SLC35F4: variants seen among roughly 807,000 people sequenced by gnomAD.
SLC35F4 encodes the protein chromosome 14 open reading frame 36.
SLC35F4 carries 24 observed loss-of-function variants against 44.2 expected under a neutral mutation model. The ratio of observed to expected loss-of-function variants is 0.54; its 90% CI spans 0.39 to 0.76. The LOEUF is 0.76. Ranked by LOEUF, SLC35F4 falls within the 30% of genes least tolerant of loss-of-function variation. SLC35F4 has a pLI of 0.00. For synonymous variants in SLC35F4, 238 were observed against 223.6 expected (o/e 1.06, Z -0.57); for missense variants, 562 against 586.1 (o/e 0.96, Z 0.42).
intron 1 of SLC35F4, among the ~76,000 whole-genome samples, chr14:57,952,319 C>T (rs147828436): frequency 1.3e-5 from 2 of 152,012 alleles, no homozygotes; most frequent in African/African-American, 4.8e-5. Context: ...GATAAATCCA[C>T]GAAGATGGAA....
At position 57,871,668 on chromosome 14, in the gene SLC35F4, G is replaced by A. The variant is rs72624734; in HGVS notation, n.282+110245C>T. ...ATAGTCATGGTTCTCCCCCATTTTAGGCATACCACAGGACTGCACTTCCTG... is the reference window on the plus strand; with the variant it reads ...ATAGTCATGGTTCTCCCCCATTTTAAGCATACCACAGGACTGCACTTCCTG... On this transcript the variant is annotated intron_variant and non_coding_transcript_variant, in intron 1 of 1. Coordinates refer to the SLC35F4 transcript ENST00000556568. Among the ~76,000 whole-genome samples the A allele has an allele frequency of 0.023, 3,454 of 152,260 alleles. 428 individuals carry two copies. The East Asian group carries it at 0.39, about 17-fold the overall frequency.
intron 1 of SLC35F4, among the ~76,000 whole-genome samples, chr14:57,782,409 T>A (rs117688133): frequency 7.9e-4 from 119 of 151,382 alleles, no homozygotes; most frequent in East Asian, 6.2e-3. Context: ...ATGTCATGAA[T>A]GTATAAAATA....
chr14:57,686,773 AT>A, intron 1 of SLC35F4, among the ~76,000 whole-genome samples: 1 of 152,156 alleles, frequency 6.6e-6, no homozygotes, highest in Non-Finnish European at 1.5e-5. Context: ...TCCCAACATA[AT>A]TTTTAAAGGA....
At chr14:57,894,707 A>T (rs1219613153) in intron 1 of SLC35F4, among the ~76,000 whole-genome samples, 1 of 152,166 alleles carries the variant, frequency 6.6e-6, no homozygotes, top group African/African-American at 2.4e-5. Context: ...TCATGGAATA[A>T]TTAACCTTTC....
At chr14:57,902,023 C>T (rs746248396) in intron 1 of SLC35F4, among the ~76,000 whole-genome samples, 8 of 152,098 alleles carry the variant, frequency 5.3e-5, no homozygotes, top group Non-Finnish European at 8.8e-5. Flanking sequence ...AGCAAATTTG[C>T]CTTAAAGAAG....
intron 1 of SLC35F4, among the ~76,000 whole-genome samples, chr14:57,776,683 A>AAG (rs1555386747): frequency 1.3e-5 from 2 of 151,288 alleles, no homozygotes; most frequent in Admixed American, 1.3e-4. Context: ...AAAAAAAAAA[A>AAG]AAAAAATTAA....
intron 1 of SLC35F4, among the ~76,000 whole-genome samples, chr14:57,915,374 T>G (rs1186208961): frequency 6.6e-6 from 1 of 152,212 alleles, no homozygotes; most frequent in Non-Finnish European, 1.5e-5. Flanking sequence ...AAATGGTCAC[T>G]TGGCCACACC....
chr14:57,656,370 TATATATAC>T (rs1223754209), intron 1 of SLC35F4, among the ~76,000 whole-genome samples: 9 of 79,196 alleles, frequency 1.1e-4, no homozygotes, highest in Non-Finnish European at 2.3e-4. Context: ...TATATATATA[TATATATAC>T]ACACACACAC....
chr14:57,677,409 A>G (rs2074729896), intron 1 of SLC35F4, among the ~76,000 whole-genome samples: 1 of 113,954 alleles, frequency 8.8e-6, no homozygotes, highest in African/African-American at 4.3e-5. Flanking sequence ...ACTATTGAAA[A>G]AAAAATAAAA....
chr14:57,673,074 G>T (rs2074573276), intron 1 of SLC35F4, among the ~76,000 whole-genome samples: 1 of 152,034 alleles, frequency 6.6e-6, no homozygotes, highest in African/African-American at 2.4e-5. Flanking sequence ...AATCTTGTAA[G>T]TTGTATAAAG....
intron 1 of SLC35F4, among the ~76,000 whole-genome samples, chr14:57,908,854 T>C (rs1206390265): frequency 2.6e-5 from 4 of 152,232 alleles, no homozygotes; most frequent in Admixed American, 2.0e-4. Context: ...ATGAAGTCTT[T>C]GCCCATGCCT....
rs117281671 is a variant in SLC35F4 at position 57,958,628 on chromosome 14, T to G, written n.282+23285A>C. ...TACCAAAAACCACTGAGCTCTATAC[T>G]TTAAAAGGGTGAGTGTTATGATATG... is the stretch of plus-strand genomic sequence containing the variant. On this transcript the variant is annotated intron_variant and non_coding_transcript_variant, in intron 1 of 1. Coordinates refer to the SLC35F4 transcript ENST00000556568. Among the ~76,000 whole-genome samples, 98 of 152,312 alleles carry G rather than the reference T, an allele frequency of 6.4e-4. 1 individual carries two copies. The East Asian group carries it at 0.014, about 22-fold the overall frequency.
chr14:57,606,018 C>T (rs1266765436), intron 1 of SLC35F4, among the ~76,000 whole-genome samples: 2 of 152,140 alleles, frequency 1.3e-5, no homozygotes, highest in Non-Finnish European at 2.9e-5. Context: ...GTACTATGCT[C>T]ACTACCTGGG....
intron 1 of SLC35F4, among the ~76,000 whole-genome samples, chr14:57,796,555 TAA>T (rs1419689679): frequency 6.6e-6 from 1 of 152,148 alleles, no homozygotes; most frequent in African/African-American, 2.4e-5. Context: ...TTAAAAATAT[TAA>T]AAGTCATAAA....
chr14:57,791,065 T>C (rs550341315), intron 1 of SLC35F4, among the ~76,000 whole-genome samples: 10 of 152,320 alleles, frequency 6.6e-5, no homozygotes, highest in African/African-American at 2.4e-4. Context: ...ATTCAGGACA[T>C]AGTCATGGGC....
chr14:57,623,262 A>G (rs2072293924), intron 1 of SLC35F4, among the ~76,000 whole-genome samples: 1 of 152,124 alleles, frequency 6.6e-6, no homozygotes, highest in Non-Finnish European at 1.5e-5. Flanking sequence ...GAGGAGCTAA[A>G]TATCCTAAAT....
At chr14:57,731,226 C>T (rs529837153) in intron 1 of SLC35F4, among the ~76,000 whole-genome samples, 8 of 152,296 alleles carry the variant, frequency 5.3e-5, no homozygotes, top group African/African-American at 1.9e-4. Flanking sequence ...GGGTCAGTGT[C>T]TCTACTTCCC....
At chr14:57,910,309 C>G (rs939769727) in intron 1 of SLC35F4, among the ~76,000 whole-genome samples, 6 of 151,894 alleles carry the variant, frequency 4.0e-5, no homozygotes, top group African/African-American at 1.4e-4. Flanking sequence ...TTTAATGAAG[C>G]CTAGCTTATC....
chr14:57,664,769 A>G (rs1484648071), intron 1 of SLC35F4, among the ~76,000 whole-genome samples: 1 of 152,188 alleles, frequency 6.6e-6, no homozygotes, highest in Non-Finnish European at 1.5e-5. Flanking sequence ...TCCGTCCATG[A>G]GTGGCAATAA....
Sources: gnomAD v4.1 joint callset for allele counts (sites outside exome capture counted in the v4.1 genomes callset) on GRCh38, gnomAD v4.1.1 for gene constraint, MANE v1.5 for transcripts, NCBI Gene and HGNC (gene_info 2026-07-23, HGNC 2026-07-21) for gene names.